KANK1: variants seen among roughly 807,000 people sequenced by gnomAD.
KANK1 encodes the protein KN motif and ankyrin repeat domains 1.
In KANK1, 109 loss-of-function variants were observed where a neutral mutation model predicts 106.2. The observed-to-expected ratio is 1.03, with a 90% confidence interval of 0.88 to 1.20. KANK1 has a LOEUF of 1.20. KANK1 is among the 50% of genes most tolerant of loss of function. KANK1 has a pLI of 0.00. For missense variants in KANK1, 2,399 were observed against 1,710.7 expected (o/e 1.40, Z -7.10); for synonymous variants, 873 against 652.2 (o/e 1.34, Z -5.16).
intron 3 of KANK1, among the ~76,000 whole-genome samples, chr9:475,079 AATAG>A (rs2058080975): frequency 6.6e-6 from 1 of 151,966 alleles, no homozygotes; most frequent in African/African-American, 2.4e-5. Context: ...GCAGTCTCCA[AATAG>A]ATAGGAAAAA....
chr9:511,799 G>T (rs1014753598), intron 1 of KANK1, among the ~76,000 whole-genome samples: 1 of 152,190 alleles, frequency 6.6e-6, no homozygotes, highest in Admixed American at 6.5e-5. Flanking sequence ...TGTGATAACT[G>T]CTGTTTCTGT....
chr9:634,025 T>C (rs1836458527), intron 1 of KANK1, among the ~76,000 whole-genome samples: 1 of 152,228 alleles, frequency 6.6e-6, no homozygotes, highest in South Asian at 2.1e-4. Context: ...GTTTATCTTT[T>C]TCATAAGTTC....
chr9:556,541 C>A (rs2061594578), intron 1 of KANK1, among the ~76,000 whole-genome samples: 1 of 152,188 alleles, frequency 6.6e-6, no homozygotes. Flanking sequence ...GAATTAGATA[C>A]AATGACTATG....
intron 10 of KANK1, among the ~76,000 whole-genome samples, chr9:744,289 A>T (rs966683718): frequency 3.9e-5 from 6 of 152,150 alleles, no homozygotes; most frequent in Admixed American, 2.0e-4. Context: ...GGACCTCTGG[A>T]GGGTGGAGGC....
intron 1 of KANK1, among the ~76,000 whole-genome samples, chr9:545,641 T>G (rs923389446): frequency 6.6e-6 from 1 of 151,036 alleles, no homozygotes; most frequent in Non-Finnish European, 1.5e-5. Context: ...GTCATTTTGC[T>G]GGGCTTAGCA....
intron 1 of KANK1, among the ~76,000 whole-genome samples, chr9:557,607 T>A (rs1815161337): frequency 6.6e-6 from 1 of 152,198 alleles, no homozygotes; most frequent in South Asian, 2.1e-4. Context: ...GTACATATGA[T>A]CTCATGGCCA....
At chr9:578,090 AGGATACTGAACT>A (rs1353683314) in intron 1 of KANK1, among the ~76,000 whole-genome samples, 1 of 152,192 alleles carries the variant, frequency 6.6e-6, no homozygotes, top group African/African-American at 2.4e-5. Flanking sequence ...AGAACACCAG[AGGATACTGAACT>A]GGCCATACTG....
Position 624,178 on chromosome 9 carries a change from G to A in KANK1, c.-83-52712G>A, listed in dbSNP as rs138743490. ...TCAGTTATATGTAGAATATAAAAAC[G>A]TTGAATCCACAAGCCAAGAGTAGAA... On this transcript the variant is annotated intron_variant, in intron 1 of 11. Transcript: ENST00000382297. 3.6e-3 allele frequency among the ~76,000 whole-genome samples: 551 copies of A among 152,226 alleles called. 3 individuals are homozygous for A. Among genetic ancestry groups the A allele is most frequent in the Middle Eastern group, 0.014 (4 of 294 alleles).
chr9:743,760 G>C (rs1836380735), intron 10 of KANK1, among the ~76,000 whole-genome samples: 1 of 152,190 alleles, frequency 6.6e-6, no homozygotes, highest in Non-Finnish European at 1.5e-5. Context: ...TACCGTGGTG[G>C]TTGAGGCAGG....
chr9:596,632 G>T (rs751163457), intron 1 of KANK1, among the ~76,000 whole-genome samples: 5 of 151,696 alleles, frequency 3.3e-5, no homozygotes, highest in Non-Finnish European at 5.9e-5. Context: ...CCACTGTCTC[G>T]TTATGTCATG....
chr9:604,795 A>G (rs1477654609), intron 1 of KANK1, among the ~76,000 whole-genome samples: 1 of 151,900 alleles, frequency 6.6e-6, no homozygotes, highest in Non-Finnish European at 1.5e-5. Context: ...GTGCCACTGC[A>G]CTTCAGCCTG....
chr9:718,827 A>G (rs2131231299), intron 3 of KANK1, among the ~76,000 whole-genome samples: 2 of 152,272 alleles, frequency 1.3e-5, no homozygotes, highest in Middle Eastern at 3.4e-3. Context: ...CTCCTCTATC[A>G]AAGCTACATG....
rs746168969 is a variant in KANK1, at chr9:566,459, A to C, written c.-84+61705A>C. On this transcript the variant is annotated intron_variant, in intron 1 of 11. Coordinates refer to ENST00000382297, the MANE Select transcript of KANK1 (RefSeq NM_015158.5). ...ATTGTCTTCCACAGTGGTTGAACTA[A>C]TTTATACTTCCACCAATACTGTGTA... Among the ~76,000 whole-genome samples, 53 of 152,204 alleles carry C rather than the reference A, an allele frequency of 3.5e-4. 1 individual carries two copies. Among genetic ancestry groups the C allele is most frequent in the Admixed American group, 6.5e-4 (10 of 15,280 alleles).
At chr9:595,802 A>G (rs1209154242) in intron 1 of KANK1, among the ~76,000 whole-genome samples, 1 of 151,906 alleles carries the variant, frequency 6.6e-6, no homozygotes. Context: ...GATTATAGGC[A>G]TGAGCCACTG....
chr9:732,276 T>G, intron 5 of KANK1, 102 bp from the exon 6 acceptor site: 1 of 1,393,280 alleles, frequency 7.2e-7, no homozygotes, highest in South Asian at 1.4e-5. Flanking sequence ...AAACCACTAG[T>G]GAAATTTCTG....
intron 3 of KANK1, among the ~76,000 whole-genome samples, chr9:478,805 G>C (rs1186529110): frequency 6.6e-6 from 1 of 152,068 alleles, no homozygotes; most frequent in Non-Finnish European, 1.5e-5. Flanking sequence ...ATCAGTTACA[G>C]AAAACAAGTG....
At chr9:581,571 A>C (rs978710960) in intron 1 of KANK1, among the ~76,000 whole-genome samples, 1 of 152,318 alleles carries the variant, frequency 6.6e-6, no homozygotes, top group Non-Finnish European at 1.5e-5. Flanking sequence ...TTGGGAATGA[A>C]TCTTAGTCCA....
At chr9:550,051 T>TGCTTTCTC (rs949573433) in intron 1 of KANK1, among the ~76,000 whole-genome samples, 9 of 152,250 alleles carry the variant, frequency 5.9e-5, no homozygotes, top group Admixed American at 5.9e-4. Flanking sequence ...AGCAAGGACT[T>TGCTTTCTC]GCTTTCTCGT....
At position 711,271 on chromosome 9, in the gene KANK1, A is replaced by G. The variant is rs758809597; in HGVS notation, c.505A>G (p.Arg169Gly). ...METRRRLEQE[R>G]ATMQMTPGEF... ...GACCCGGAGAAGACTGGAACAGGAG[A>G]GAGCCACCATGCAGATGACACCGGG... Residue 169 changes from arginine to glycine, a missense_variant, in exon 3 of 12, where the codon AGA becomes GGA. Transcript: ENST00000382297. 6.2e-7 allele frequency: 1 copy of G among 1,613,990 alleles called. No individual in the cohort carries two copies. Among genetic ancestry groups the G allele is most frequent in the African/African-American group, 1.3e-5 (1 of 74,916 alleles).
Sources: allele counts gnomAD v4.1 joint callset (sites outside exome capture counted in the v4.1 genomes callset), GRCh38; gene constraint gnomAD v4.1.1; transcripts MANE v1.5; gene names NCBI Gene and HGNC (gene_info 2026-07-23, HGNC 2026-07-21).